Variants in SAXO2 observed in about 807,000 individuals in gnomAD.
SAXO2 encodes family with sequence similarity 154, member B.
SAXO2 carries 17 observed loss-of-function variants against 18.7 expected under a neutral mutation model. That is an observed-to-expected ratio of 0.91 (90% CI 0.62 to 1.36). SAXO2 has a LOEUF of 1.36. Ranked by LOEUF, SAXO2 falls within the 40% of genes most tolerant of loss-of-function variation. The pLI is 0.00. For synonymous variants in SAXO2, 163 were observed against 181.2 expected, an observed-to-expected ratio of 0.90 and a Z score of 0.81; for missense variants, 486 against 562.6, an observed-to-expected ratio of 0.86 and a Z score of 1.38.
chr15:82,262,962 C>A (rs775664341), intron 1 of SAXO2, 30 bp downstream of exon 1: 5 of 1,583,152 alleles, frequency 3.2e-6, no homozygotes, highest in Admixed American at 3.6e-5. Flanking sequence ...GCGGCGGGCC[C>A]GGGCTTGGGA....
At position 82,284,652 on chromosome 15, in the gene SAXO2, C is replaced by A. The variant is rs1259563687; in HGVS notation, c.*1590C>A. ...TTGCATTTATAAATGCTAAAAATTT[C>A]CGAATGAATTAAACTCTTATTGGGT... On this transcript the variant is annotated 3_prime_UTR_variant, in exon 4 of 4. Coordinates refer to ENST00000682753, the MANE Select transcript of SAXO2 (RefSeq NM_001348699.2). 1.3e-5 allele frequency: 2 copies of A among 152,088 alleles called. No individual in the cohort carries two copies. The highest frequency in any genetic ancestry group is 2.9e-5 in the Non-Finnish European group (2 of 68,014). 9.4% of individuals were successfully genotyped at this position (152,088 alleles called of 1,614,324 possible). A position where few individuals can be genotyped will look rare whatever the true frequency, so the allele number is the denominator to read the frequency against.
In SAXO2 at chr15:82,282,224, A is replaced by G; in HGVS notation, c.539A>G (p.Asp180Gly). ...KFGNSTTFQDDFVPQEIKPRQ... is the reference protein window; with the variant it reads ...KFGNSTTFQDGFVPQEIKPRQ... Reference sequence around the variant, plus strand: ...GGAAATTCAACTACATTTCAGGATGATTTTGTTCCTCAGGAGATAAAGCCT... The same window carrying G: ...GGAAATTCAACTACATTTCAGGATGGTTTTGTTCCTCAGGAGATAAAGCCT... Residue 180 changes from aspartate to glycine, a missense_variant, in exon 4 of 4, where the codon GAT (aspartate) becomes GGT (glycine). Transcript: ENST00000682753. 1 of 1,614,140 alleles carries G rather than the reference A, an allele frequency of 6.2e-7. No individual in the cohort carries two copies. Among genetic ancestry groups the G allele is most frequent in the Non-Finnish European group, 8.5e-7 (1 of 1,180,020 alleles).
chr15:82,275,249 G>A (rs1169391766), intron 3 of SAXO2, among the ~76,000 whole-genome samples: 1 of 76,218 alleles, frequency 1.3e-5, no homozygotes, highest in Non-Finnish European at 2.5e-5. Flanking sequence ...AACGAGTAAG[G>A]AAATTGAATC....
intron 1 of SAXO2, among the ~76,000 whole-genome samples, chr15:82,264,292 A>T (rs547187378): frequency 5.1e-4 from 77 of 150,980 alleles, no homozygotes; most frequent in African/African-American, 1.8e-3. Flanking sequence ...CCATCTCCTG[A>T]CCTCATGATC....
At chr15:82,265,862 C>A in intron 2 of SAXO2, 114 bp downstream of exon 2, 1 of 655,138 alleles carries the variant, frequency 1.5e-6, no homozygotes, top group Non-Finnish European at 2.2e-6. Flanking sequence ...TTGAACCAAT[C>A]TAATAGTCAA....
intron 3 of SAXO2, among the ~76,000 whole-genome samples, chr15:82,274,502 G>C (rs553911251): frequency 6.6e-6 from 1 of 151,854 alleles, no homozygotes; most frequent in Non-Finnish European, 1.5e-5. Flanking sequence ...AGGAGTTTGA[G>C]ACCAGCCTGG....
chr15:82,277,656 G>C (rs1437283521), intron 3 of SAXO2, among the ~76,000 whole-genome samples: 1 of 152,140 alleles, frequency 6.6e-6, no homozygotes, highest in African/African-American at 2.4e-5. Context: ...CCTTTAGAAA[G>C]CTGAGATCAC....
chr15:82,269,863 A>T (rs1326553294), intron 2 of SAXO2, among the ~76,000 whole-genome samples: 1 of 152,214 alleles, frequency 6.6e-6, no homozygotes, highest in East Asian at 1.9e-4. Context: ...CAAAATTGAC[A>T]GTAGTTGATG....
In SAXO2 at chr15:82,282,392, AAC is replaced by A. The variant is rs531481065; in HGVS notation, c.708_709del (p.Arg237LeufsTer2). 7.9e-3 allele frequency: 12,745 copies of A among 1,614,164 alleles called. 60 individuals are homozygous for A. The highest frequency in any genetic ancestry group is 9.4e-3 in the Non-Finnish European group (11,150 of 1,180,032). On this transcript the variant is annotated frameshift_variant, in exon 4 of 4. Coordinates refer to ENST00000682753, the MANE Select transcript of SAXO2 (RefSeq NM_001348699.2). LOFTEE classifies it low-confidence loss of function (END_TRUNC). Reference sequence around the variant, plus strand: ...AAAGAAGTTTACAAACCAACTGACCAACGCTTTGAGGATCTCACAACTCACCG... The same window carrying A: ...AAAGAAGTTTACAAACCAACTGACCAGCTTTGAGGATCTCACAACTCACCG...
intron 3 of SAXO2, among the ~76,000 whole-genome samples, chr15:82,276,655 A>G (rs2075317942): frequency 6.6e-6 from 1 of 152,212 alleles, no homozygotes. Context: ...CTGGCTAACC[A>G]TATGCAGAAG....
chr15:82,277,984 C>T (rs970829830), intron 3 of SAXO2, among the ~76,000 whole-genome samples: 10 of 151,354 alleles, frequency 6.6e-5, no homozygotes, highest in African/African-American at 2.2e-4. Flanking sequence ...CTTCATAGTG[C>T]GGGCATGGAG....
chr15:82,277,038 A>G (rs1359521892), intron 3 of SAXO2, among the ~76,000 whole-genome samples: 3 of 152,206 alleles, frequency 2.0e-5, no homozygotes, highest in African/African-American at 7.2e-5. Context: ...ATAGAATTAA[A>G]TTGCTTACAG....
At chr15:82,278,929 GC>G (rs1318299013) in intron 3 of SAXO2, among the ~76,000 whole-genome samples, 1 of 152,116 alleles carries the variant, frequency 6.6e-6, no homozygotes, top group East Asian at 1.9e-4. Flanking sequence ...AAAATTTATA[GC>G]ATTTAAGGTT....
At chr15:82,270,598 C>T (rs1399881649) in intron 2 of SAXO2, among the ~76,000 whole-genome samples, 1 of 152,052 alleles carries the variant, frequency 6.6e-6, no homozygotes, top group Admixed American at 6.5e-5. Flanking sequence ...TACAGACATA[C>T]GCAGCAAATA....
intron 1 of SAXO2, chr15:82,263,506 G>A (rs191586044): frequency 2.4e-5 from 17 of 696,718 alleles, no homozygotes; most frequent in Non-Finnish European, 4.5e-5. Context: ...TCCATCACCT[G>A]TAAACACAGT....
intron 2 of SAXO2, among the ~76,000 whole-genome samples, chr15:82,268,977 T>TC (rs1357964656): frequency 6.6e-6 from 1 of 152,110 alleles, no homozygotes; most frequent in African/African-American, 2.4e-5. Flanking sequence ...TTTAGCCTAT[T>TC]CCCCTCTAGT....
At chr15:82,280,589 C>G (rs985353289) in intron 3 of SAXO2, among the ~76,000 whole-genome samples, 10 of 152,176 alleles carry the variant, frequency 6.6e-5, no homozygotes, top group Admixed American at 2.6e-4. Context: ...TTCCCTTCAT[C>G]TCTGCAATAA....
intron 2 of SAXO2, among the ~76,000 whole-genome samples, chr15:82,265,972 AT>A (rs909221554): frequency 7.3e-5 from 11 of 150,946 alleles, no homozygotes; most frequent in Middle Eastern, 3.5e-3. Context: ...AAAAAGTTCT[AT>A]TTTTTTTTAA....
intron 2 of SAXO2, among the ~76,000 whole-genome samples, chr15:82,271,218 A>G (rs2075267925): frequency 6.6e-6 from 1 of 152,240 alleles, no homozygotes; most frequent in Admixed American, 6.5e-5. Context: ...GGACTTTGAC[A>G]AAGTGGACTC....
Sources: allele counts gnomAD v4.1 joint callset (sites outside exome capture counted in the v4.1 genomes callset), GRCh38; gene constraint gnomAD v4.1.1; transcripts MANE v1.5; gene names NCBI Gene and HGNC (gene_info 2026-07-23, HGNC 2026-07-21).